Variants in GPM6B observed in about 807,000 individuals in gnomAD.
The protein encoded by GPM6B is neuronal membrane glycoprotein M6-b.
In GPM6B, 4 loss-of-function variants were observed where a neutral mutation model predicts 27.2. That is an observed-to-expected ratio of 0.15 (90% confidence interval 0.07 to 0.34). GPM6B has a LOEUF of 0.34. GPM6B is among the 10% of genes least tolerant of loss of function. The pLI, the probability that GPM6B is intolerant of heterozygous loss-of-function variation, is 1.00. For synonymous variants in GPM6B, 124 were observed against 103.1 expected, an observed-to-expected ratio of 1.20 and a Z score of -1.23; for missense variants, 183 against 261.9, an observed-to-expected ratio of 0.70 and a Z score of 2.08.
chrX:13,855,026 C>T (rs746716128), intron 1 of GPM6B, among the ~76,000 whole-genome samples: 1 of 105,336 alleles, frequency 9.5e-6, no homozygotes, highest in South Asian at 4.2e-4. Flanking sequence ...AGCCACTCCC[C>T]TTTTTTTTTT....
chrX:13,932,178 CCCA>C (rs755495020), intron 1 of GPM6B, among the ~76,000 whole-genome samples: 63 of 111,153 alleles, frequency 5.7e-4, no homozygotes, highest in African/African-American at 1.9e-3. Flanking sequence ...TCCCCACTCC[CCCA>C]CATTGAGGCC....
At chrX:13,881,533 A>G (rs1017693965) in intron 1 of GPM6B, among the ~76,000 whole-genome samples, 1 of 95,990 alleles carries the variant, frequency 1.0e-5, no homozygotes, top group Non-Finnish European at 2.1e-5. Context: ...AGAATGAGAT[A>G]TAAGAGCACA....
At chrX:13,842,046 A>G (rs747873834) in intron 1 of GPM6B, among the ~76,000 whole-genome samples, 39 of 111,947 alleles carry the variant, frequency 3.5e-4, no homozygotes, top group Non-Finnish European at 4.5e-4. Context: ...ATTTACTACA[A>G]TATGACATTC....
At chrX:13,823,020 G>A (rs762321141) in intron 1 of GPM6B, among the ~76,000 whole-genome samples, 178 of 111,259 alleles carry the variant, frequency 1.6e-3, no homozygotes, top group Non-Finnish European at 2.5e-3. Context: ...CTCCATTACC[G>A]GAATTAAATT....
intron 2 of GPM6B, among the ~76,000 whole-genome samples, chrX:13,803,079 C>T (rs1030894220): frequency 4.5e-5 from 5 of 111,823 alleles, no homozygotes; most frequent in Non-Finnish European, 9.4e-5. Flanking sequence ...GAAAGAGTGA[C>T]ACTAAAGAAC....
At chrX:13,802,517 G>T (rs2048940845) in intron 2 of GPM6B, among the ~76,000 whole-genome samples, 1 of 105,983 alleles carries the variant, frequency 9.4e-6, no homozygotes, top group Non-Finnish European at 1.9e-5. Context: ...TACTTATATC[G>T]ATAAGTATTT....
At chrX:13,926,165 AG>A (rs1921177628) in intron 1 of GPM6B, among the ~76,000 whole-genome samples, 1 of 109,157 alleles carries the variant, frequency 9.2e-6, no homozygotes, top group African/African-American at 3.3e-5. Context: ...GCACTTTGGG[AG>A]GCCGAGGCAG....
intron 1 of GPM6B, among the ~76,000 whole-genome samples, chrX:13,834,909 T>C (rs1002924464): frequency 8.9e-6 from 1 of 112,571 alleles, no homozygotes; most frequent in Non-Finnish European, 1.9e-5. Flanking sequence ...TGGATATTTA[T>C]CAAGTACCAG....
chrX:13,934,887 T>A (rs980872728), intron 1 of GPM6B, among the ~76,000 whole-genome samples: 1 of 111,369 alleles, frequency 9.0e-6, no homozygotes, highest in Non-Finnish European at 1.9e-5. Context: ...CCTCTCTGCT[T>A]AACAGCCTTC....
At chrX:13,787,261 G>C (rs1371885846) in intron 2 of GPM6B, among the ~76,000 whole-genome samples, 1 of 111,560 alleles carries the variant, frequency 9.0e-6, no homozygotes, top group East Asian at 2.8e-4. Context: ...GGCTTCATAA[G>C]AAAGCTGTGC....
intron 2 of GPM6B, among the ~76,000 whole-genome samples, chrX:13,803,220 G>A (rs1356583088): frequency 9.0e-6 from 1 of 111,355 alleles, no homozygotes; most frequent in Non-Finnish European, 1.9e-5. Flanking sequence ...CAGTTCCCAG[G>A]AGCCAGCCTG....
intron 2 of GPM6B, among the ~76,000 whole-genome samples, chrX:13,800,551 ATTACTTCAAGAGGAAT>A (rs1336762734): frequency 8.9e-6 from 1 of 112,522 alleles, no homozygotes; most frequent in East Asian, 2.7e-4. Context: ...ATAGCGAAAC[ATTACTTCAAGAGGAAT>A]TTACTTCAAA....
At chrX:13,780,450 T>C (rs2048495427) in intron 4 of GPM6B, among the ~76,000 whole-genome samples, 1 of 112,226 alleles carries the variant, frequency 8.9e-6, no homozygotes, top group Admixed American at 9.4e-5. Flanking sequence ...GTTACCTTTA[T>C]TTTTCGTAAC....
At chrX:13,777,331 T>C (rs1344097940) in intron 6 of GPM6B, 21 bp downstream of exon 6, 1 of 1,135,764 alleles carries the variant, frequency 8.8e-7, no homozygotes, top group Non-Finnish European at 1.2e-6. Context: ...CAAGGGTTAT[T>C]CTGAACTGTG....
intron 1 of GPM6B, among the ~76,000 whole-genome samples, chrX:13,916,663 A>ATGTG (rs55844856): frequency 0.075 from 6,728 of 90,068 alleles, 413 homozygotes; most frequent in African/African-American, 0.17. Flanking sequence ...TAGTTTATTA[A>ATGTG]TGTGTGTGTG....
chrX:13,865,927 A>C (rs2049911791), intron 1 of GPM6B, among the ~76,000 whole-genome samples: 1 of 111,374 alleles, frequency 9.0e-6, no homozygotes, highest in East Asian at 2.8e-4. Context: ...TATTAAGTGA[A>C]ATAAATAAGC....
intron 1 of GPM6B, among the ~76,000 whole-genome samples, chrX:13,826,968 T>C (rs1027521170): frequency 1.5e-4 from 16 of 110,122 alleles, no homozygotes; most frequent in African/African-American, 5.0e-4. Context: ...GGGCCAGCCT[T>C]CCAGACTCCT....
chrX:13,875,195 G>A (rs1427873175), intron 1 of GPM6B, among the ~76,000 whole-genome samples: 1 of 111,457 alleles, frequency 9.0e-6, no homozygotes, highest in East Asian at 2.8e-4. Context: ...GATGGTGACA[G>A]TTGCATGCAG....
upstream of GPM6B, among the ~76,000 whole-genome samples, chrX:13,817,695 G>T (rs1245915347): frequency 1.8e-5 from 2 of 112,008 alleles, no homozygotes; most frequent in Non-Finnish European, 3.8e-5. Flanking sequence ...ATTAAAGAGG[G>T]GGAGAAAATA....
Sources: allele counts gnomAD v4.1 joint callset (sites outside exome capture counted in the v4.1 genomes callset), GRCh38; gene constraint gnomAD v4.1.1; transcripts MANE v1.5; gene names NCBI Gene and HGNC (gene_info 2026-07-23, HGNC 2026-07-21).